Variants in ZHX3 observed in about 807,000 individuals in gnomAD.
ZHX3 encodes zinc fingers and homeoboxes protein 3.
A neutral mutation model predicts 64.5 loss-of-function variants in ZHX3; 20 were observed. The ratio of observed to expected loss-of-function variants is 0.31; its 90% confidence interval spans 0.22 to 0.45. ZHX3 has a LOEUF of 0.45. ZHX3 is among the 20% of genes least tolerant of loss of function. The pLI is 1.00. For synonymous variants in ZHX3, 423 were observed against 461.6 expected (o/e 0.92, Z 1.07); for missense variants, 1,041 against 1,195.8 (o/e 0.87, Z 1.91).
At chr20:41,187,817 G>A (rs1234030497) in intron 3 of ZHX3, among the ~76,000 whole-genome samples, 1 of 151,978 alleles carries the variant, frequency 6.6e-6, no homozygotes, top group East Asian at 1.9e-4. Flanking sequence ...ATATTTATGG[G>A]GTACATGTGA....
intron 2 of ZHX3, among the ~76,000 whole-genome samples, chr20:41,235,459 G>A (rs1490436952): frequency 6.6e-6 from 1 of 152,096 alleles, no homozygotes; most frequent in Non-Finnish European, 1.5e-5. Context: ...ATGCAAGGCT[G>A]GTTCAACATA....
At position 41,228,030 on chromosome 20, in the gene ZHX3, C is replaced by G. The variant is rs910947329; in HGVS notation, c.-150-22964G>C. Among the ~76,000 whole-genome samples the G allele has an allele frequency of 3.4e-4, 51 of 152,232 alleles. No homozygotes were observed. The highest frequency in any genetic ancestry group is 3.9e-4 in the Admixed American group (6 of 15,286). ...TTCCTTCCTCTCCTTCTGCCCAAAC[C>G]ACTTGCACCAAGGTCATCAGTCAAG... On this transcript the variant is annotated intron_variant, in intron 2 of 3. Coordinates refer to ENST00000683867, the MANE Select transcript of ZHX3 (RefSeq NM_001384317.1). This position sits in a 1 kb window ranked among gnomAD's most constrained non-coding sequence, Gnocchi z 4.6.
chr20:41,315,860 T>G (rs2045273640), intron 1 of ZHX3, among the ~76,000 whole-genome samples: 1 of 152,160 alleles, frequency 6.6e-6, no homozygotes, highest in South Asian at 2.1e-4. Context: ...TATGGGGTTT[T>G]TTTTGTTTTG....
chr20:41,300,762 G>T (rs546278406), intron 1 of ZHX3, among the ~76,000 whole-genome samples: 1 of 152,300 alleles, frequency 6.6e-6, no homozygotes, highest in East Asian at 1.9e-4. Context: ...GGGAAGCCAG[G>T]AGGACCAACT....
chr20:41,258,961 T>C (rs2042414403), intron 2 of ZHX3, among the ~76,000 whole-genome samples: 1 of 152,232 alleles, frequency 6.6e-6, no homozygotes, highest in Non-Finnish European at 1.5e-5. Context: ...CTGATTACTT[T>C]TGTTTGTTCA....
At chr20:41,312,834 C>G (rs1404698185) in intron 1 of ZHX3, among the ~76,000 whole-genome samples, 1 of 152,006 alleles carries the variant, frequency 6.6e-6, no homozygotes, top group East Asian at 1.9e-4. Context: ...AGTGTGGATG[C>G]GAGTCCAAGT....
rs1311110094 is a variant in ZHX3 at position 41,195,331 on chromosome 20, G to A, written c.2860+6726C>T. Among the ~76,000 whole-genome samples the A allele has an allele frequency of 1.3e-5, 2 of 152,124 alleles. No individual in the cohort carries two copies. Among genetic ancestry groups the A allele is most frequent in the Non-Finnish European group, 2.9e-5 (2 of 68,036 alleles). On this transcript the variant is annotated intron_variant, in intron 3 of 3. Transcript: ENST00000683867. The surrounding 1 kb of genome is among the most constrained non-coding windows in gnomAD (Gnocchi z 4.2). ...GGATCCCACTTTGTTACCCAGGCAG[G>A]TCTCAAACTCCTGGCCTCAAGTGAT... is the stretch of plus-strand genomic sequence containing the variant.
chr20:41,252,494 G>A (rs572115148), intron 2 of ZHX3, among the ~76,000 whole-genome samples: 9 of 152,194 alleles, frequency 5.9e-5, no homozygotes, highest in South Asian at 2.1e-4. Flanking sequence ...GTGTCATCCC[G>A]CGATGCTGGT....
At chr20:41,230,792 G>A (rs1283648774) in intron 2 of ZHX3, among the ~76,000 whole-genome samples, 1 of 152,068 alleles carries the variant, frequency 6.6e-6, no homozygotes, top group Non-Finnish European at 1.5e-5. Flanking sequence ...CCCCACACAT[G>A]CATAGCCTAC....
rs1158515039 is a variant in ZHX3 at position 41,215,891 on chromosome 20, G to A, written c.-150-10825C>T. 2.7e-5 allele frequency among the ~76,000 whole-genome samples: 4 copies of A among 150,898 alleles called. No homozygotes were observed. In the East Asian group the frequency reaches 7.8e-4, roughly 29 times the overall value. On this transcript the variant is annotated intron_variant, in intron 2 of 3. Transcript: ENST00000683867. Reference sequence around the variant, plus strand: ...GGAGTGAACCCAGGAGGCGGAGCTTGCAGTGAGCAGAGATGGCGCCACTGC... The same window carrying A: ...GGAGTGAACCCAGGAGGCGGAGCTTACAGTGAGCAGAGATGGCGCCACTGC...
chr20:41,284,148 G>T (rs1433787125), intron 1 of ZHX3, among the ~76,000 whole-genome samples: 1 of 152,206 alleles, frequency 6.6e-6, no homozygotes, highest in East Asian at 1.9e-4. Flanking sequence ...AATAAGGAAC[G>T]CCTATTACCT....
intron 1 of ZHX3, among the ~76,000 whole-genome samples, chr20:41,289,019 T>C (rs950667613): frequency 6.6e-6 from 1 of 152,166 alleles, no homozygotes; most frequent in African/African-American, 2.4e-5. Context: ...TGAGACAGGG[T>C]CTCACTGTCA....
chr20:41,190,512 TG>T (rs1461166343), intron 3 of ZHX3, among the ~76,000 whole-genome samples: 1 of 152,210 alleles, frequency 6.6e-6, no homozygotes, highest in Admixed American at 6.5e-5. Context: ...GTTATACTGT[TG>T]TTTTCTAGTT....
At chr20:41,306,258 G>T (rs974702147) in intron 1 of ZHX3, among the ~76,000 whole-genome samples, 1 of 152,094 alleles carries the variant, frequency 6.6e-6, no homozygotes, top group Non-Finnish European at 1.5e-5. Context: ...AAGAAGACAC[G>T]GCTGATTACT....
Position 41,195,581 on chromosome 20 carries a change from A to C in ZHX3, c.2860+6476T>G, listed in dbSNP as rs2037416798. Reference sequence around the variant, plus strand: ...CAGGTGCCTGCCACCATGTCCACCTAATTTTTGTATTTTTAGTAGAGACAG... The same window carrying C: ...CAGGTGCCTGCCACCATGTCCACCTCATTTTTGTATTTTTAGTAGAGACAG... On this transcript the variant is annotated intron_variant, in intron 3 of 3. Coordinates refer to ENST00000683867, the MANE Select transcript of ZHX3 (RefSeq NM_001384317.1). The surrounding 1 kb of genome is among the most constrained non-coding windows in gnomAD (Gnocchi z 4.2). Among the ~76,000 whole-genome samples the C allele has an allele frequency of 6.6e-6, 1 of 151,654 alleles. No homozygotes were observed. The highest frequency in any genetic ancestry group is 1.5e-5 in the Non-Finnish European group (1 of 67,902).
intron 1 of ZHX3, among the ~76,000 whole-genome samples, chr20:41,282,261 C>T (rs1166497361): frequency 6.6e-6 from 1 of 152,022 alleles, no homozygotes; most frequent in Non-Finnish European, 1.5e-5. Flanking sequence ...CTTAACTTCT[C>T]ATCTTCTCTA....
At chr20:41,311,849 G>A (rs1023700988) in intron 1 of ZHX3, among the ~76,000 whole-genome samples, 1 of 152,154 alleles carries the variant, frequency 6.6e-6, no homozygotes, top group Non-Finnish European at 1.5e-5. Flanking sequence ...TGGTACATAC[G>A]AATTCTCGAA....
intron 2 of ZHX3, among the ~76,000 whole-genome samples, chr20:41,217,036 A>G (rs1250821605): frequency 3.9e-5 from 6 of 152,212 alleles, no homozygotes; most frequent in Admixed American, 1.3e-4. Flanking sequence ...CCATATATTA[A>G]GAAAATGGGC....
intron 2 of ZHX3, among the ~76,000 whole-genome samples, chr20:41,258,783 T>G (rs1568908892): frequency 6.6e-6 from 1 of 152,198 alleles, no homozygotes; most frequent in Non-Finnish European, 1.5e-5. Context: ...GACCTCTTTC[T>G]TTATAGTTAA....
Sources: allele counts gnomAD v4.1 joint callset (sites outside exome capture counted in the v4.1 genomes callset), GRCh38; gene constraint gnomAD v4.1.1; non-coding constraint Gnocchi (gnomAD v3.1); transcripts MANE v1.5; gene names NCBI Gene and HGNC (gene_info 2026-07-23, HGNC 2026-07-21).